DNAH14: variants seen among roughly 807,000 people sequenced by gnomAD.
The protein encoded by DNAH14 is axonemal beta dynein heavy chain 14.
A neutral mutation model predicts 520.9 loss-of-function variants in DNAH14; 478 were observed. The observed-to-expected ratio is 0.92, with a 90% CI of 0.85 to 0.99. The LOEUF is 0.99. Ranked by LOEUF, DNAH14 falls within the 50% of genes least tolerant of loss-of-function variation. The pLI, the probability that DNAH14 is intolerant of heterozygous loss-of-function variation, is 0.00. For synonymous variants in DNAH14, 1,581 were observed against 1,757.2 expected (o/e 0.90, Z 2.51); for missense variants, 4,831 against 5,234.5 (o/e 0.92, Z 2.38).
chr1:225,254,825 C>T (rs2092682138), intron 44 of DNAH14, among the ~76,000 whole-genome samples: 2 of 152,164 alleles, frequency 1.3e-5, no homozygotes, highest in African/African-American at 2.4e-5. Context: ...TAGGTAGCAG[C>T]CAGCTCAACA....
At chr1:225,053,445 T>C (rs2068734694) in intron 17 of DNAH14, among the ~76,000 whole-genome samples, 1 of 152,166 alleles carries the variant, frequency 6.6e-6, no homozygotes, top group African/African-American at 2.4e-5. Flanking sequence ...ATAGGAATTA[T>C]TGCAAGGTTT....
chr1:225,004,301 A>G (rs2063997494), intron 9 of DNAH14, among the ~76,000 whole-genome samples: 1 of 152,188 alleles, frequency 6.6e-6, no homozygotes, highest in South Asian at 2.1e-4. Flanking sequence ...CCATTAGCAA[A>G]GTATAAGGTA....
At chr1:225,282,017 G>A (rs896687911) in intron 54 of DNAH14, among the ~76,000 whole-genome samples, 4 of 152,138 alleles carry the variant, frequency 2.6e-5, no homozygotes, top group African/African-American at 9.7e-5. Flanking sequence ...ATTTTAAGTA[G>A]TGTGATTGTG....
chr1:225,323,970 C>G (rs1053077615), intron 62 of DNAH14, among the ~76,000 whole-genome samples: 18 of 152,142 alleles, frequency 1.2e-4, no homozygotes, highest in Middle Eastern at 3.4e-3. Flanking sequence ...CGTGTGCCAC[C>G]ATGCACAGCT....
intron 22 of DNAH14, among the ~76,000 whole-genome samples, chr1:225,098,113 C>T (rs1356607334): frequency 6.6e-6 from 1 of 151,996 alleles, no homozygotes; most frequent in Non-Finnish European, 1.5e-5. Flanking sequence ...GAGAGGACGG[C>T]TTGGATCCAG....
chr1:225,235,115 C>G (rs2091479527), intron 42 of DNAH14, among the ~76,000 whole-genome samples: 1 of 152,170 alleles, frequency 6.6e-6, no homozygotes, highest in Non-Finnish European at 1.5e-5. Context: ...GCATCCTTCT[C>G]TTGTGCCAGT....
intron 7 of DNAH14, among the ~76,000 whole-genome samples, chr1:224,971,751 T>A (rs1216786223): frequency 1.3e-5 from 2 of 152,140 alleles, no homozygotes; most frequent in African/African-American, 4.8e-5. Flanking sequence ...AAGTTTAGTA[T>A]GGATTTGATG....
chr1:225,046,068 T>C (rs901585126), intron 15 of DNAH14, among the ~76,000 whole-genome samples: 12 of 151,800 alleles, frequency 7.9e-5, no homozygotes, highest in Non-Finnish European at 1.8e-4. Context: ...CATTTATTTA[T>C]ATGAATATGG....
intron 47 of DNAH14, among the ~76,000 whole-genome samples, chr1:225,264,828 G>C (rs759497585): frequency 5.3e-5 from 8 of 152,114 alleles, no homozygotes; most frequent in Non-Finnish European, 1.2e-4. Flanking sequence ...CTTTTAAGTT[G>C]CTGTAGCTAT....
At chr1:225,114,136 T>A (rs985467579) in intron 23 of DNAH14, among the ~76,000 whole-genome samples, 2 of 152,122 alleles carry the variant, frequency 1.3e-5, no homozygotes, top group Non-Finnish European at 2.9e-5. Context: ...CCAAGGCCCA[T>A]GGCATGTACT....
chr1:225,369,469 C>T (rs1293176982), intron 77 of DNAH14, among the ~76,000 whole-genome samples: 2 of 101,148 alleles, frequency 2.0e-5, no homozygotes, highest in Non-Finnish European at 1.9e-5. Flanking sequence ...CAGACAACAG[C>T]ATATTGTAGC....
chr1:225,254,280 G>T (rs1204960648), intron 44 of DNAH14, among the ~76,000 whole-genome samples: 1 of 152,158 alleles, frequency 6.6e-6, no homozygotes. Flanking sequence ...TTGGATCTTT[G>T]TTAAAGCAGA....
At position 225,305,189 on chromosome 1, in the gene DNAH14, G is replaced by C. The variant is rs551033266; in HGVS notation, c.9005+100G>C. The stretch of plus-strand genomic sequence containing the variant: ...AATGGTGAGCCAAATCTGCCTTTTT[G>C]GTGGGACAAAAAGCCAGAAGCTGCA... On this transcript the variant is annotated intron_variant, in intron 58 of 85. Coordinates refer to ENST00000682510, the MANE Select transcript of DNAH14 (RefSeq NM_001367479.1). 242 of 1,336,778 alleles carry C rather than the reference G, an allele frequency of 1.8e-4. No homozygotes were observed. The East Asian group carries it at 4.8e-3, about 27-fold the overall frequency. The allele number at this position is 1,336,778 out of a possible 1,614,324, so 82.8% of individuals were successfully genotyped here. A position where few individuals can be genotyped will look rare whatever the true frequency, so the allele number is the denominator to read the frequency against.
At chr1:225,006,038 A>G (rs1039439591) in intron 9 of DNAH14, among the ~76,000 whole-genome samples, 8 of 152,192 alleles carry the variant, frequency 5.3e-5, no homozygotes, top group Non-Finnish European at 1.0e-4. Flanking sequence ...TGAAGATTTC[A>G]TGGACATTTA....
chr1:225,354,081 A>G, intron 73 of DNAH14, 193 bp downstream of exon 73: 1 of 697,472 alleles, frequency 1.4e-6, no homozygotes, highest in South Asian at 1.5e-5. Context: ...AATGTGAGTA[A>G]CATTCCTGGA....
chr1:225,267,871 G>A (rs2093175845), intron 49 of DNAH14, among the ~76,000 whole-genome samples: 1 of 151,716 alleles, frequency 6.6e-6, no homozygotes, highest in Non-Finnish European at 1.5e-5. Flanking sequence ...AAGGCAGAGG[G>A]GAAGAATCCA....
At position 225,331,417 on chromosome 1, in the gene DNAH14, A is replaced by G; in HGVS notation, c.9724-20A>G. 1.9e-6 allele frequency: 3 copies of G among 1,545,290 alleles called. No homozygotes were observed. The highest frequency in any genetic ancestry group is 2.6e-6 in the Non-Finnish European group (3 of 1,143,632). On this transcript the variant is annotated intron_variant, in intron 64 of 85. Coordinates refer to ENST00000682510, the MANE Select transcript of DNAH14 (RefSeq NM_001367479.1). ...TGAGAGTAAGATATTTTTCTCAATA[A>G]TGAATTAATTATCTTTCAGGTTGAA...
chr1:224,976,087 G>C (rs1392658734), intron 8 of DNAH14, among the ~76,000 whole-genome samples: 4 of 151,956 alleles, frequency 2.6e-5, no homozygotes, highest in African/African-American at 9.7e-5. Flanking sequence ...TGTGGTCTGA[G>C]AGACAGTTTG....
chr1:225,070,769 T>C (rs1426513446), intron 17 of DNAH14, among the ~76,000 whole-genome samples: 1 of 152,166 alleles, frequency 6.6e-6, no homozygotes, highest in Non-Finnish European at 1.5e-5. Flanking sequence ...TTGTTAACTT[T>C]CTGTCTATTA....
Sources: allele counts gnomAD v4.1 joint callset (sites outside exome capture counted in the v4.1 genomes callset), GRCh38; gene constraint gnomAD v4.1.1; transcripts MANE v1.5; gene names NCBI Gene and HGNC (gene_info 2026-07-23, HGNC 2026-07-21).